CNTNAP2: variants seen among roughly 807,000 people sequenced by gnomAD.
CNTNAP2 encodes the protein contactin associated protein 2.
CNTNAP2 carries 98 observed loss-of-function variants against 155.2 expected under a neutral mutation model. The ratio of observed to expected loss-of-function variants is 0.63; its 90% CI spans 0.54 to 0.75. CNTNAP2 has a LOEUF of 0.75. Ranked by LOEUF, CNTNAP2 falls within the 30% of genes least tolerant of loss-of-function variation. The pLI is 0.00. For missense variants in CNTNAP2, 1,727 were observed against 1,688.1 expected, an observed-to-expected ratio of 1.02 and a Z score of -0.40; for synonymous variants, 651 against 631.2, an observed-to-expected ratio of 1.03 and a Z score of -0.47.
chr7:146,983,602 C>T (rs922853012), intron 3 of CNTNAP2, among the ~76,000 whole-genome samples: 5 of 152,122 alleles, frequency 3.3e-5, no homozygotes, highest in African/African-American at 1.2e-4. Context: ...CTTCTTTTTC[C>T]AGGAAAAGCA....
intron 3 of CNTNAP2, among the ~76,000 whole-genome samples, chr7:146,990,461 T>G (rs1798190405): frequency 1.3e-5 from 2 of 152,272 alleles, no homozygotes; most frequent in Non-Finnish European, 2.9e-5. Flanking sequence ...TCTCAATTTA[T>G]ACCTTGTTTA....
intron 1 of CNTNAP2, among the ~76,000 whole-genome samples, chr7:146,770,317 T>TACACACACAC (rs60507060): frequency 0.048 from 6,915 of 143,644 alleles, 220 homozygotes; most frequent in Non-Finnish European, 0.066. Context: ...TGTGTGTGTA[T>TACACACACAC]ACACACACAC....
intron 14 of CNTNAP2, among the ~76,000 whole-genome samples, chr7:147,929,967 A>G (rs73462197): frequency 0.028 from 4,298 of 152,236 alleles, 205 homozygotes; most frequent in African/African-American, 0.098. Flanking sequence ...ATGAGAATCT[A>G]ATGCCGTCAC....
chr7:147,549,234 G>A (rs1171155979), intron 11 of CNTNAP2, among the ~76,000 whole-genome samples: 1 of 152,096 alleles, frequency 6.6e-6, no homozygotes, highest in Non-Finnish European at 1.5e-5. Context: ...TCTCCGTGAG[G>A]ATGAAATGTT....
intron 1 of CNTNAP2, among the ~76,000 whole-genome samples, chr7:146,544,182 T>G (rs928878404): frequency 5.9e-5 from 9 of 151,986 alleles, no homozygotes; most frequent in Non-Finnish European, 1.2e-4. Context: ...GAGTTCTCAC[T>G]TTTCTTCTGT....
intron 15 of CNTNAP2, among the ~76,000 whole-genome samples, chr7:147,980,464 T>C (rs1309637552): frequency 6.6e-6 from 1 of 152,206 alleles, no homozygotes; most frequent in East Asian, 1.9e-4. Flanking sequence ...TGATATTTCA[T>C]GAAAGCAAAA....
intron 4 of CNTNAP2, among the ~76,000 whole-genome samples, chr7:147,054,573 A>T (rs1311865720): frequency 6.6e-6 from 1 of 152,152 alleles, no homozygotes; most frequent in Non-Finnish European, 1.5e-5. Flanking sequence ...TAAAATTTAA[A>T]ATGCTGCAAA....
chr7:146,245,791 G>T (rs956885494), intron 1 of CNTNAP2, among the ~76,000 whole-genome samples: 1 of 152,026 alleles, frequency 6.6e-6, no homozygotes, highest in African/African-American at 2.4e-5. Flanking sequence ...AGCCTAATGG[G>T]TATCAGGGTC....
rs537457007 is a variant in CNTNAP2 at position 148,152,938 on chromosome 7, A to G, written c.2773+5229A>G. Among the ~76,000 whole-genome samples, 113 of 144,058 alleles carry G rather than the reference A, an allele frequency of 7.8e-4. No individual in the cohort carries two copies. The Middle Eastern group carries it at 0.018, about 23-fold the overall frequency. The allele number at this position is 144,058 out of a possible 152,430, so 94.5% of individuals were successfully genotyped here. A position where few individuals can be genotyped will look rare whatever the true frequency, so the allele number is the denominator to read the frequency against. On this transcript the variant is annotated intron_variant, in intron 17 of 23. Coordinates refer to ENST00000361727, the MANE Select transcript of CNTNAP2 (RefSeq NM_014141.6). Reference sequence around the variant, plus strand: ...CGGGAGGCTGAGGCAGAAGAATGGCATGAACCCGGGAGGCGGAGCTTGCAG... The same window carrying G: ...CGGGAGGCTGAGGCAGAAGAATGGCGTGAACCCGGGAGGCGGAGCTTGCAG...
At chr7:147,028,961 T>TC in intron 3 of CNTNAP2, among the ~76,000 whole-genome samples, 1 of 136,816 alleles carries the variant, frequency 7.3e-6, no homozygotes, top group Admixed American at 7.2e-5. Flanking sequence ...GATATGTTCT[T>TC]TTTTTTTTTT....
chr7:147,515,587 C>G (rs1343014216), intron 11 of CNTNAP2, among the ~76,000 whole-genome samples: 1 of 152,054 alleles, frequency 6.6e-6, no homozygotes, highest in African/African-American at 2.4e-5. Context: ...TCCCAAAGTG[C>G]TGGGATTACA....
At chr7:148,076,372 G>C (rs1166759657) in intron 15 of CNTNAP2, among the ~76,000 whole-genome samples, 1 of 137,098 alleles carries the variant, frequency 7.3e-6, no homozygotes, top group Non-Finnish European at 1.5e-5. Context: ...AAAATGTCAA[G>C]AATGCCAAAA....
chr7:148,274,909 T>C (rs1277084281), intron 21 of CNTNAP2, among the ~76,000 whole-genome samples: 1 of 152,242 alleles, frequency 6.6e-6, no homozygotes, highest in Non-Finnish European at 1.5e-5. Context: ...TAATGGTCTC[T>C]GTGTCACGGG....
At position 147,326,203 on chromosome 7, in the gene CNTNAP2, C is replaced by T. The variant is rs148781731; in HGVS notation, c.1498+25913C>T. On this transcript the variant is annotated intron_variant, in intron 9 of 23. Coordinates refer to ENST00000361727, the MANE Select transcript of CNTNAP2 (RefSeq NM_014141.6). ...CCTCCCAAAGTGCTGGGATTACAGGCGTTAGCCACTGCGCCTGGACACCAG... is the reference window on the plus strand; with the variant it reads ...CCTCCCAAAGTGCTGGGATTACAGGTGTTAGCCACTGCGCCTGGACACCAG... 7.2e-3 allele frequency among the ~76,000 whole-genome samples: 1,089 copies of T among 152,274 alleles called. 25 individuals are homozygous for T. The highest frequency in any genetic ancestry group is 0.06 in the Admixed American group (925 of 15,298).
At chr7:148,213,861 C>T (rs1055004817) in intron 18 of CNTNAP2, among the ~76,000 whole-genome samples, 10 of 152,200 alleles carry the variant, frequency 6.6e-5, no homozygotes, top group Non-Finnish European at 1.3e-4. Flanking sequence ...GCCTTGCTCA[C>T]GGGATCCCCA....
intron 12 of CNTNAP2, among the ~76,000 whole-genome samples, chr7:147,627,331 G>A (rs1794999641): frequency 6.6e-6 from 1 of 152,118 alleles, no homozygotes; most frequent in Admixed American, 6.6e-5. Flanking sequence ...TCTCTGAATA[G>A]CCAGATAAAA....
intron 13 of CNTNAP2, among the ~76,000 whole-genome samples, chr7:147,782,018 G>A (rs536476135): frequency 2.5e-4 from 29 of 117,786 alleles, no homozygotes; most frequent in African/African-American, 1.2e-3. Context: ...GCAAGATTCC[G>A]TTTAAAAAAA....
chr7:147,399,010 G>C (rs1044874213), intron 10 of CNTNAP2, among the ~76,000 whole-genome samples: 6 of 151,966 alleles, frequency 3.9e-5, no homozygotes, highest in South Asian at 2.1e-4. Context: ...CCGTTGAAAA[G>C]ATAATATTAC....
At chr7:147,515,091 T>A (rs1433815664) in intron 11 of CNTNAP2, among the ~76,000 whole-genome samples, 1 of 152,082 alleles carries the variant, frequency 6.6e-6, no homozygotes, top group East Asian at 1.9e-4. Context: ...ACTGGATGTG[T>A]TGCTGTCCCA....
Sources: gnomAD v4.1 joint callset for allele counts (sites outside exome capture counted in the v4.1 genomes callset) on GRCh38, gnomAD v4.1.1 for gene constraint, MANE v1.5 for transcripts, NCBI Gene and HGNC (gene_info 2026-07-23, HGNC 2026-07-21) for gene names.